The following SAMMSON variants were observed in gnomAD, a reference collection of about 807,000 sequenced individuals.
SAMMSON encodes survival associated mitochondrial melanoma specific oncogenic non-coding RNA.
chr3:70,201,478 T>C (rs1701238804), intron 4 of SAMMSON, among the ~76,000 whole-genome samples: 1 of 152,206 alleles, frequency 6.6e-6, no homozygotes, highest in Non-Finnish European at 1.5e-5. Context: ...TCCATGTCTT[T>C]GCTATTGCAA....
chr3:70,344,001 G>A (rs1039439160), intron 7 of SAMMSON, among the ~76,000 whole-genome samples: 3 of 151,694 alleles, frequency 2.0e-5, no homozygotes, highest in African/African-American at 7.3e-5. Context: ...TGGTTCCCAT[G>A]TTCCTTTGAC....
At chr3:70,095,533 A>G (rs959872659) in intron 4 of SAMMSON, among the ~76,000 whole-genome samples, 1 of 152,138 alleles carries the variant, frequency 6.6e-6, no homozygotes, top group African/African-American at 2.4e-5. Flanking sequence ...TCGTCGTGTT[A>G]TATATTTCAC....
At chr3:70,132,778 AAAAAAAG>A (rs57494554) in intron 4 of SAMMSON, among the ~76,000 whole-genome samples, 12,362 of 135,224 alleles carry the variant, frequency 0.091, 530 homozygotes, top group East Asian at 0.25. Context: ...CCTAAAAAAA[AAAAAAAG>A]AAAAGAAAAA....
chr3:70,277,712 T>TG (rs1702040992), intron 6 of SAMMSON, among the ~76,000 whole-genome samples: 1 of 152,140 alleles, frequency 6.6e-6, no homozygotes, highest in Non-Finnish European at 1.5e-5. Flanking sequence ...TGATGCCACC[T>TG]CAGTCTAAGA....
intron 2 of SAMMSON, among the ~76,000 whole-genome samples, chr3:70,403,149 T>C (rs1559581819): frequency 6.6e-6 from 1 of 152,102 alleles, no homozygotes; most frequent in African/African-American, 2.4e-5. Flanking sequence ...TAATGAGCAA[T>C]GAAATCAAAT....
intron 4 of SAMMSON, among the ~76,000 whole-genome samples, chr3:70,113,856 G>C (rs1457786515): frequency 1.3e-5 from 2 of 152,062 alleles, no homozygotes; most frequent in Admixed American, 6.6e-5. Context: ...GACCAGGACT[G>C]TCTCTCTCTC....
chr3:70,190,823 G>C (rs1449571640), intron 4 of SAMMSON, among the ~76,000 whole-genome samples: 2 of 152,056 alleles, frequency 1.3e-5, no homozygotes. Flanking sequence ...CACCTCCCAG[G>C]GGCAGTTTTA....
intron 4 of SAMMSON, among the ~76,000 whole-genome samples, chr3:70,244,730 C>G (rs972195659): frequency 6.6e-6 from 1 of 152,152 alleles, no homozygotes; most frequent in Admixed American, 6.5e-5. Context: ...TCATTATGCT[C>G]TTATGAATAA....
intron 4 of SAMMSON, among the ~76,000 whole-genome samples, chr3:70,216,063 C>T (rs1372894528): frequency 6.6e-6 from 1 of 151,964 alleles, no homozygotes; most frequent in African/African-American, 2.4e-5. Context: ...ATAATTCTAC[C>T]ATTTTAAACA....
At chr3:70,249,165 C>A (rs560524975) in exon 5 of SAMMSON, 6 of 152,260 alleles carry the variant, frequency 3.9e-5, no homozygotes, top group Admixed American at 3.3e-4. Context: ...CCAAGTTCTA[C>A]ATTAGGAACA....
intron 2 of SAMMSON, among the ~76,000 whole-genome samples, chr3:70,418,795 G>C (rs1337845493): frequency 6.6e-6 from 1 of 152,106 alleles, no homozygotes; most frequent in East Asian, 1.9e-4. Flanking sequence ...TTCCAGACAA[G>C]CCTTATCTGG....
At chr3:70,212,404 A>C (rs1701360354) in intron 4 of SAMMSON, among the ~76,000 whole-genome samples, 1 of 152,126 alleles carries the variant, frequency 6.6e-6, no homozygotes, top group South Asian at 2.1e-4. Context: ...TTCACAGTTC[A>C]ATTTGTCTTT....
chr3:70,367,302 CT>C (rs1193696204), intron 9 of SAMMSON, among the ~76,000 whole-genome samples: 1 of 151,506 alleles, frequency 6.6e-6, no homozygotes, highest in Non-Finnish European at 1.5e-5. Flanking sequence ...ATTAATCAAT[CT>C]TTTTTTACCC....
rs535583154 is a variant in SAMMSON at position 70,028,306 on chromosome 3, G to A, written n.417+14634G>A. 5.3e-5 allele frequency among the ~76,000 whole-genome samples: 8 copies of A among 152,078 alleles called. No individual in the cohort carries two copies. The East Asian group carries it at 1.2e-3, about 22-fold the overall frequency. On this transcript the variant is annotated intron_variant and non_coding_transcript_variant, in intron 3 of 9. Coordinates refer to ENST00000642114, the Ensembl canonical transcript of SAMMSON. ...TATTTGATGAGGAATAGCAGTTGAGGCCTTACTCTCTCTTTGTGGGAATGA... is the reference window on the plus strand; with the variant it reads ...TATTTGATGAGGAATAGCAGTTGAGACCTTACTCTCTCTTTGTGGGAATGA...
At chr3:70,235,899 G>A (rs1701603860) in intron 4 of SAMMSON, among the ~76,000 whole-genome samples, 1 of 152,072 alleles carries the variant, frequency 6.6e-6, no homozygotes, top group Non-Finnish European at 1.5e-5. Flanking sequence ...CATATTAGTG[G>A]TTCAATGGAC....
At chr3:70,274,092 C>T (rs11915741) in intron 6 of SAMMSON, among the ~76,000 whole-genome samples, 112,861 of 138,126 alleles carry the variant, frequency 0.82, 44,456 homozygotes, top group African/African-American at 0.86. Flanking sequence ...TGTGTGTGTG[C>T]GCGCGCGCAT....
intron 9 of SAMMSON, among the ~76,000 whole-genome samples, chr3:70,366,437 A>G (rs1575634539): frequency 1.5e-5 from 2 of 135,450 alleles, no homozygotes; most frequent in South Asian, 2.3e-4. Flanking sequence ...TTATTAACGT[A>G]TATTGGTGAT....
intron 7 of SAMMSON, among the ~76,000 whole-genome samples, chr3:70,318,462 TTGTGTGTGTGTG>T (rs35643960): frequency 2.0e-5 from 3 of 150,008 alleles, no homozygotes; most frequent in Non-Finnish European, 3.0e-5. Context: ...AATTAACATT[TTGTGTGTGTGTG>T]TGTGTGAGTG....
At chr3:70,118,632 C>A (rs2067421185) in intron 4 of SAMMSON, among the ~76,000 whole-genome samples, 1 of 152,096 alleles carries the variant, frequency 6.6e-6, no homozygotes, top group South Asian at 2.1e-4. Context: ...TTCAATGTCC[C>A]ACCTCTCAAA....
Sources: allele counts gnomAD v4.1 joint callset (sites outside exome capture counted in the v4.1 genomes callset), GRCh38; gene constraint gnomAD v4.1.1; transcripts MANE v1.5; gene names NCBI Gene and HGNC (gene_info 2026-07-23, HGNC 2026-07-21).